The following CRELD1 variants were observed in gnomAD, a reference collection of about 807,000 sequenced individuals.
The protein encoded by CRELD1 is protein disulfide isomerase CRELD1.
A neutral mutation model predicts 58.2 loss-of-function variants in CRELD1; 42 were observed. The observed-to-expected ratio is 0.72, with a 90% CI of 0.56 to 0.93. CRELD1 has a LOEUF of 0.93. Among genes scored for constraint, CRELD1 ranks in the 40% least tolerant of loss-of-function variants. The pLI, the probability that CRELD1 is intolerant of heterozygous loss-of-function variation, is 0.00. For synonymous variants in CRELD1, 222 were observed against 202.0 expected, an observed-to-expected ratio of 1.10 and a Z score of -0.84; for missense variants, 500 against 540.6, an observed-to-expected ratio of 0.92 and a Z score of 0.74.
intron 7 of CRELD1, 89 bp from the exon 8 acceptor site, chr3:9,942,724 T>A (rs2085402450): frequency 9.9e-7 from 1 of 1,014,148 alleles, no homozygotes; most frequent in Non-Finnish European, 1.6e-6. Context: ...TACCATTTAA[T>A]CCCAGGCAAG....
intron 3 of CRELD1, chr3:9,936,067 T>A (rs1297933306): frequency 6.6e-6 from 1 of 152,176 alleles, no homozygotes; most frequent in Non-Finnish European, 1.5e-5. Context: ...CCTCCAGCTT[T>A]TCAAAGTCAG....
Position 9,933,838 on chromosome 3 carries a change from T to C in CRELD1, c.-102T>C. The C allele has an allele frequency of 1.9e-6, 1 of 529,392 alleles. No individual in the cohort carries two copies. The highest frequency in any genetic ancestry group is 3.3e-6 in the Non-Finnish European group (1 of 300,974). The allele number at this position is 529,392 out of a possible 1,614,324, so 32.8% of individuals were successfully genotyped here. ...TGGGGGTTGTGCGTTTTACGCAGGC[T>C]GTGGCAGCGACGCGGTGAGGAGACG... is the stretch of plus-strand genomic sequence containing the variant. On this transcript the variant is annotated 5_prime_UTR_variant, in exon 1 of 11. Coordinates refer to ENST00000452070, the MANE Select transcript of CRELD1 (RefSeq NM_001077415.3).
At chr3:9,934,169 G>C in intron 1 of CRELD1, 1 of 535,400 alleles carries the variant, frequency 1.9e-6, no homozygotes, top group South Asian at 2.1e-5. Flanking sequence ...GCTGACTTCT[G>C]CCCCCTTGTC....
chr3:9,943,890 A>T, intron 10 of CRELD1: 1 of 1,608,246 alleles, frequency 6.2e-7, no homozygotes, highest in Non-Finnish European at 8.5e-7. Flanking sequence ...ACTGTGTCAG[A>T]TGCTGTTCTA....
intron 10 of CRELD1, 108 bp from the exon 11 acceptor site, chr3:9,944,257 C>G (rs2085457927): frequency 5.9e-6 from 6 of 1,014,920 alleles, no homozygotes; most frequent in Non-Finnish European, 9.4e-6. Context: ...GCTTGCTGGG[C>G]AGGCCTGGTG....
chr3:9,936,153 C>T (rs1467314624), intron 3 of CRELD1: 1 of 152,218 alleles, frequency 6.6e-6, no homozygotes, highest in Non-Finnish European at 1.5e-5. Flanking sequence ...ACAGTTTCTT[C>T]ACCTGTAAAA....
chr3:9,942,794 C>T lies in CRELD1; in HGVS notation c.734-19C>T. ...ACTAAATAGGGATTGAAATTCTCAC[C>T]CTGCTCACCTCTCTGCAGACATTGA... On this transcript the variant is annotated intron_variant, in intron 7 of 10. Coordinates refer to ENST00000452070, the MANE Select transcript of CRELD1 (RefSeq NM_001077415.3). 6.2e-7 allele frequency: 1 copy of T among 1,605,998 alleles called. No homozygotes were observed. The highest frequency in any genetic ancestry group is 8.5e-7 in the Non-Finnish European group (1 of 1,172,564).
chr3:9,934,941 G>T (rs370273959), intron 3 of CRELD1, 24 bp downstream of exon 3: 51 of 1,579,288 alleles, frequency 3.2e-5, no homozygotes, highest in Non-Finnish European at 4.0e-5. Flanking sequence ...GGGGGAAGGG[G>T]TGTATATTCC....
chr3:9,942,734 G>T, intron 7 of CRELD1, 79 bp from the exon 8 acceptor site: 1 of 1,120,360 alleles, frequency 8.9e-7, no homozygotes, highest in South Asian at 1.2e-5. Context: ...TCCCAGGCAA[G>T]ACCATTCCCC....
In CRELD1 at chr3:9,939,659, A is replaced by C. The variant is rs866841839; in HGVS notation, c.461-1191A>C. On this transcript the variant is annotated intron_variant, in intron 5 of 10. Transcript: ENST00000452070. Reference sequence around the variant, plus strand: ...AGCACAGGGTTGGGGATAAGGTCATAGATCAACAGGATCCCAAGGCAGAAG... The same window carrying C: ...AGCACAGGGTTGGGGATAAGGTCATCGATCAACAGGATCCCAAGGCAGAAG... Among the ~76,000 whole-genome samples the C allele has an allele frequency of 2.3e-4, 35 of 152,370 alleles. 2 individuals are homozygous for C. In the Middle Eastern group the frequency reaches 0.014, roughly 59 times the overall value.
At chr3:9,943,653 G>C in intron 10 of CRELD1, 138 bp downstream of exon 10, 2 of 1,566,776 alleles carry the variant, frequency 1.3e-6, no homozygotes, top group East Asian at 2.3e-5. Context: ...CACTGAGACC[G>C]GGCTCTACAT....
chr3:9,934,680 A>C (rs1463291942), intron 2 of CRELD1, 68 bp downstream of exon 2: 7 of 1,577,076 alleles, frequency 4.4e-6, no homozygotes, highest in Admixed American at 1.7e-5. Flanking sequence ...TGGGATGCAA[A>C]TCTGCGTGGA....
At position 9,944,454 on chromosome 3, in the gene CRELD1, A is replaced by T; in HGVS notation, c.1138A>T (p.Thr380Ser). The change falls in exon 11 of 11, where the codon ACG becomes TCG. Residue 380 changes from threonine (T) to serine (S), a missense_variant. By Grantham distance (58) the Thr-to-Ser change is moderately conservative. Transcript: ENST00000452070. ...FFGIIICALA[T>S]LAAKGDLVFT... ...TGGCATCATCATCTGTGCACTGGCC[A>T]CGCTGGCTGCTAAGGGCGACTTGGT... is the stretch of plus-strand genomic sequence containing the variant. 6.2e-7 allele frequency: 1 copy of T among 1,613,888 alleles called. No homozygotes were observed. The highest frequency in any genetic ancestry group is 8.5e-7 in the Non-Finnish European group (1 of 1,180,030).
At chr3:9,937,757 G>A in intron 4 of CRELD1, 85 bp downstream of exon 4, 1 of 958,256 alleles carries the variant, frequency 1.0e-6, no homozygotes, top group Non-Finnish European at 1.7e-6. Context: ...GCAGGGGGGT[G>A]CATGCTGGGG....
At chr3:9,938,181 G>A in intron 5 of CRELD1, 75 bp downstream of exon 5, 4 of 1,170,210 alleles carry the variant, frequency 3.4e-6, no homozygotes, top group African/African-American at 3.0e-5. Flanking sequence ...TCTGTCCCTA[G>A]TTCGCTGTGT....
In CRELD1 at chr3:9,935,336, T is replaced by C. The variant is rs538592329; in HGVS notation, c.257+419T>C. ...GTGGAGTGAGCCAAGGGGAGAGTGC[T>C]AGAAGGTGAAGGCAAAGGCTTAAGC... On this transcript the variant is annotated intron_variant, in intron 3 of 10. Coordinates refer to ENST00000452070, the MANE Select transcript of CRELD1 (RefSeq NM_001077415.3). 2.0e-5 allele frequency among the ~76,000 whole-genome samples: 3 copies of C among 152,260 alleles called. No individual in the cohort carries two copies. In the East Asian group the frequency reaches 5.8e-4, roughly 29 times the overall value.
In CRELD1 at chr3:9,943,476, A is replaced by G; in HGVS notation, c.1009A>G (p.Lys337Glu). The stretch of plus-strand genomic sequence containing the variant: ...TCGCTGCATCTGTGCCGAGGGCTAC[A>G]AGCAGATGGAAGGCATCTGTGTGAA... ...GYRCICAEGY[K>E]QMEGICVKEQ... The change falls in exon 10 of 11, where the codon AAG becomes GAG. Residue 337 changes from lysine to glutamate, a missense_variant. Transcript: ENST00000452070. 6.2e-7 allele frequency: 1 copy of G among 1,614,084 alleles called. No homozygotes were observed. Among genetic ancestry groups the G allele is most frequent in the Non-Finnish European group, 8.5e-7 (1 of 1,180,004 alleles).
At position 9,945,183 on chromosome 3, in the gene CRELD1, A is replaced by T; in HGVS notation, c.*604A>T. On this transcript the variant is annotated 3_prime_UTR_variant, in exon 11 of 11. Transcript: ENST00000452070. The stretch of plus-strand genomic sequence containing the variant: ...CTGTTAGGAGAAGGAGGATAGAGGA[A>T]TCAGCCTTAGGAGGGTTCCATGCCA... 5.8e-6 allele frequency: 1 copy of T among 171,610 alleles called. No individual in the cohort carries two copies. Among genetic ancestry groups the T allele is most frequent in the East Asian group, 1.5e-4 (1 of 6,640 alleles). The allele number at this position is 171,610 out of a possible 1,614,324, so 10.6% of individuals were successfully genotyped here.
intron 3 of CRELD1, chr3:9,936,078 A>G (rs745948250): frequency 1.9e-4 from 29 of 152,218 alleles, no homozygotes; most frequent in Non-Finnish European, 3.1e-4. Flanking sequence ...TCAAAGTCAG[A>G]TGGAAGAGGA....
Sources: gnomAD v4.1 joint callset for allele counts (sites outside exome capture counted in the v4.1 genomes callset) on GRCh38, gnomAD v4.1.1 for gene constraint, MANE v1.5 for transcripts, NCBI Gene and HGNC (gene_info 2026-07-23, HGNC 2026-07-21) for gene names.